Variants in SPPL2B observed in about 807,000 individuals in gnomAD.
The protein encoded by SPPL2B is signal peptide peptidase-like 2B.
SPPL2B carries 39 observed loss-of-function variants against 59.7 expected under a neutral mutation model. The observed-to-expected ratio is 0.65, with a 90% confidence interval of 0.51 to 0.85. The LOEUF (loss-of-function observed/expected upper bound fraction) is 0.85. Among genes scored for constraint, SPPL2B ranks in the 40% least tolerant of loss-of-function variants. SPPL2B has a pLI of 0.00. For missense variants in SPPL2B, 865 were observed against 849.0 expected (o/e 1.02, Z -0.23); for synonymous variants, 419 against 370.8 (o/e 1.13, Z -1.49).
chr19:2,341,583 C>G, intron 8 of SPPL2B: 1 of 456,186 alleles, frequency 2.2e-6, no homozygotes, highest in Non-Finnish European at 4.4e-6. Flanking sequence ...TGGCCCGTCC[C>G]CGCCCGGTCC....
At chr19:2,329,495 A>G (rs1374382671) in intron 1 of SPPL2B, among the ~76,000 whole-genome samples, 1 of 152,126 alleles carries the variant, frequency 6.6e-6, no homozygotes, top group Non-Finnish European at 1.5e-5. Context: ...ACGAGATCGC[A>G]CTGTCATAAC....
In SPPL2B at chr19:2,332,699, G is replaced by C. The variant is rs1968346515; in HGVS notation, c.67-1903G>C. On this transcript the variant is annotated intron_variant, in intron 1 of 14. Transcript: ENST00000613503. The surrounding 1 kb of genome is among the most constrained non-coding windows in gnomAD (Gnocchi z 4.6). Reference sequence around the variant, plus strand: ...AACGGGCAGGCCTAGGGCATGGGGTGGGTCTCCTTGGTCCCTGGCACGTGG... The same window carrying C: ...AACGGGCAGGCCTAGGGCATGGGGTCGGTCTCCTTGGTCCCTGGCACGTGG... 6.6e-6 allele frequency among the ~76,000 whole-genome samples: 1 copy of C among 152,182 alleles called. No homozygotes were observed. Among genetic ancestry groups the C allele is most frequent in the Non-Finnish European group, 1.5e-5 (1 of 68,018 alleles).
At chr19:2,343,925 G>A (rs372587198) in intron 9 of SPPL2B, 40 bp from the exon 10 acceptor site, 47 of 1,499,598 alleles carry the variant, frequency 3.1e-5, no homozygotes, top group East Asian at 1.2e-4. Context: ...GGGGAGGCAC[G>A]GGCCGGGGTG....
intron 8 of SPPL2B, chr19:2,342,855 A>T (rs1376448876): frequency 4.1e-6 from 1 of 246,084 alleles, no homozygotes; most frequent in Non-Finnish European, 8.3e-6. Flanking sequence ...GACTGAGGGG[A>T]CGCAGCCGGC....
chr19:2,353,192 C>A lies in SPPL2B; in HGVS notation c.1762C>A (p.Pro588Thr), dbSNP rs569975015. ...GGCCCAGCCGTCCCCGGTAACCCAG[C>A]CTGGCGCCTCGGCCTAGGGGAGGGG... ...DQAQPSPVTQPGASA is the reference protein window; with the variant it reads ...DQAQPSPVTQTGASA Residue 588 changes from proline to threonine, a missense_variant, in exon 15 of 15, where the codon CCT becomes ACT. Coordinates refer to ENST00000613503, the MANE Select transcript of SPPL2B (RefSeq NM_152988.3). The A allele has an allele frequency of 3.2e-5, 51 of 1,603,318 alleles. No individual in the cohort carries two copies. In the South Asian group the frequency reaches 5.3e-4, roughly 17 times the overall value.
intron 13 of SPPL2B, among the ~76,000 whole-genome samples, chr19:2,346,494 T>C (rs1246978212): frequency 6.6e-6 from 1 of 152,176 alleles, no homozygotes; most frequent in Admixed American, 6.5e-5. Flanking sequence ...AGTAAGACCC[T>C]GTCTCTGCAG....
chr19:2,350,999 T>G (rs958636694), intron 13 of SPPL2B, among the ~76,000 whole-genome samples: 4 of 152,264 alleles, frequency 2.6e-5, no homozygotes, highest in African/African-American at 9.6e-5. Flanking sequence ...GAACATAGTT[T>G]ATATGCCCAC....
chr19:2,330,983 C>T (rs1968257770), intron 1 of SPPL2B, among the ~76,000 whole-genome samples: 1 of 152,204 alleles, frequency 6.6e-6, no homozygotes, highest in African/African-American at 2.4e-5. Context: ...AAATTTGAGT[C>T]CGATTGCCCA....
intron 1 of SPPL2B, among the ~76,000 whole-genome samples, chr19:2,329,769 C>T (rs1968182607): frequency 6.6e-6 from 1 of 152,238 alleles, no homozygotes; most frequent in Admixed American, 6.5e-5. Flanking sequence ...CAAAGTATGT[C>T]AGACCGTGTC....
chr19:2,344,765 T>TGA, intron 12 of SPPL2B, 113 bp downstream of exon 12: 1 of 740,494 alleles, frequency 1.4e-6, no homozygotes, highest in Non-Finnish European at 2.3e-6. Flanking sequence ...GATAAAGCCC[T>TGA]GAGGGTCAGA....
Position 2,351,473 on chromosome 19 carries a change from C to T in SPPL2B, c.1394C>T (p.Ala465Val). The change falls in exon 14 of 15, where the codon GCC becomes GTC. Residue 465 changes from alanine to valine, a missense_variant. Physicochemically the swap from Ala to Val is moderately conservative, Grantham distance 64. Transcript: ENST00000613503. ...CTCCTTGTGACATTCGTGGCACTGGCCCTGATGCAGCGTGGCCAGCCCGCT... is the reference window on the plus strand; with the variant it reads ...CTCCTTGTGACATTCGTGGCACTGGTCCTGATGCAGCGTGGCCAGCCCGCT... ...VGLLVTFVAL[A>V]LMQRGQPALL... 3.1e-6 allele frequency: 5 copies of T among 1,609,804 alleles called. No homozygotes were observed. The highest frequency in any genetic ancestry group is 4.2e-6 in the Non-Finnish European group (5 of 1,179,090).
rs367985137 is a variant in SPPL2B at position 2,352,982 on chromosome 19, G to A, written c.1552G>A (p.Ala518Thr). Residue 518 changes from alanine to threonine, a missense_variant, in exon 15 of 15, where the codon GCC becomes ACC. By Grantham distance (58) the Ala-to-Thr change is moderately conservative (BLOSUM62 0). Coordinates refer to ENST00000613503, the MANE Select transcript of SPPL2B (RefSeq NM_152988.3). Reference sequence around the variant, plus strand: ...TCCATCTCCGTGGGCCCCAGCACCAGCCGACGGCCCGCAGCCTCCCAAAGA... The same window carrying A: ...TCCATCTCCGTGGGCCCCAGCACCAACCGACGGCCCGCAGCCTCCCAAAGA... The part of the protein sequence containing the change: ...LPPSPWAPAP[A>T]DGPQPPKDSA... 302 of 1,612,092 alleles carry A rather than the reference G, an allele frequency of 1.9e-4. 2 individuals carry two copies. Among genetic ancestry groups the A allele is most frequent in the Middle Eastern group, 1.5e-3 (9 of 6,084 alleles).
At chr19:2,335,311 A>C (rs1599202138) in intron 2 of SPPL2B, among the ~76,000 whole-genome samples, 1 of 87,958 alleles carries the variant, frequency 1.1e-5, no homozygotes, top group Non-Finnish European at 2.2e-5. Flanking sequence ...CTCCTTTCCC[A>C]CTGCATCCTT....
chr19:2,352,803 C>T (rs764929360), intron 14 of SPPL2B, 143 bp from the exon 15 acceptor site: 3 of 913,538 alleles, frequency 3.3e-6, no homozygotes, highest in Non-Finnish European at 4.9e-6. Flanking sequence ...AGCCGGCCCC[C>T]TCCTTGGGTC....
At position 2,340,198 on chromosome 19, in the gene SPPL2B, G is replaced by A. The variant is rs370628423; in HGVS notation, c.839+26G>A. ...GTGAGTCTGCCCTGCTGGCCCCGAC[G>A]TGCCTGACTCTGTGCGGTGATGGCC... On this transcript the variant is annotated intron_variant, in intron 7 of 14. Transcript: ENST00000613503. The A allele has an allele frequency of 4.1e-4, 621 of 1,513,714 alleles. 4 individuals are homozygous for A. In the African/African-American group the frequency reaches 7.0e-3, roughly 17 times the overall value. The allele number at this position is 1,513,714 out of a possible 1,614,324, so 93.8% of individuals were successfully genotyped here.
chr19:2,340,226 G>C, intron 7 of SPPL2B, 54 bp downstream of exon 7: 1 of 1,385,442 alleles, frequency 7.2e-7, no homozygotes, highest in Non-Finnish European at 9.6e-7. Flanking sequence ...TGATGGCCAC[G>C]GCCCCTTTGC....
At position 2,337,474 on chromosome 19, in the gene SPPL2B, C is replaced by T; in HGVS notation, c.218C>T (p.Ser73Phe). 1 of 1,611,914 alleles carries T rather than the reference C, an allele frequency of 6.2e-7. No individual in the cohort carries two copies. Among genetic ancestry groups the T allele is most frequent in the Non-Finnish European group, 8.5e-7 (1 of 1,178,840 alleles). Residue 73 changes from serine to phenylalanine, a missense_variant, in exon 3 of 15, where the codon TCC becomes TTC. Ser to Phe is a radical substitution (Grantham distance 155, BLOSUM62 -2). Transcript: ENST00000613503. ...CTGCAGCTGCGCAACTGGACGGCCT[C>T]CCTGCTCTGCTCCGCAGCCGACCTC... ...SFLQLRNWTA[S>F]LLCSAADLPA...
intron 1 of SPPL2B, among the ~76,000 whole-genome samples, chr19:2,331,721 C>T (rs1401270854): frequency 2.0e-5 from 3 of 152,182 alleles, no homozygotes; most frequent in African/African-American, 7.2e-5. Context: ...CACCAGAGTC[C>T]CTGATCCCAT....
intron 13 of SPPL2B, among the ~76,000 whole-genome samples, chr19:2,345,979 T>C (rs1969346460): frequency 6.6e-6 from 1 of 152,182 alleles, no homozygotes; most frequent in Admixed American, 6.5e-5. Flanking sequence ...CTGGCTTCCA[T>C]TGTTCTGTTC....
Sources: allele counts gnomAD v4.1 joint callset (sites outside exome capture counted in the v4.1 genomes callset), GRCh38; gene constraint gnomAD v4.1.1; non-coding constraint Gnocchi (gnomAD v3.1); transcripts MANE v1.5; gene names NCBI Gene and HGNC (gene_info 2026-07-23, HGNC 2026-07-21).